The following MAP4K4 variants were observed in gnomAD, a reference collection of about 807,000 sequenced individuals.
The protein encoded by MAP4K4 is mitogen-activated protein kinase kinase kinase kinase 4.
In MAP4K4, 38 loss-of-function variants were observed where a neutral mutation model predicts 189.6. That is an observed-to-expected ratio of 0.20 (90% CI 0.15 to 0.26). MAP4K4 has a LOEUF of 0.26. Among genes scored for constraint, MAP4K4 ranks in the 10% least tolerant of loss-of-function variants. The pLI is 1.00. For synonymous variants in MAP4K4, 610 were observed against 624.3 expected, an observed-to-expected ratio of 0.98 and a Z score of 0.34; for missense variants, 1,054 against 1,726.9, an observed-to-expected ratio of 0.61 and a Z score of 6.91.
At chr2:101,841,054 T>C (rs2096903075) in intron 10 of MAP4K4, among the ~76,000 whole-genome samples, 1 of 152,222 alleles carries the variant, frequency 6.6e-6, no homozygotes, top group South Asian at 2.1e-4. Flanking sequence ...TTCCCATGAC[T>C]TGACTTAGTA....
intron 25 of MAP4K4, 99 bp downstream of exon 25, chr2:101,873,863 A>G: frequency 1.1e-6 from 1 of 892,714 alleles, no homozygotes. Flanking sequence ...TCACAGGCAC[A>G]GACCTCGGGT....
intron 2 of MAP4K4, among the ~76,000 whole-genome samples, chr2:101,719,304 T>G (rs1574168166): frequency 6.6e-6 from 1 of 152,218 alleles, no homozygotes; most frequent in East Asian, 1.9e-4. Flanking sequence ...GATTCTCAAA[T>G]TCCATTTCAG....
Position 101,874,004 on chromosome 2 carries a change from C to T in MAP4K4, c.3071-78C>T, listed in dbSNP as rs6705854. The T allele has an allele frequency of 7.8e-3, 9,714 of 1,238,754 alleles. 511 individuals carry two copies. In the African/African-American group the frequency reaches 0.12, roughly 15 times the overall value. The allele number at this position is 1,238,754 out of a possible 1,614,324, so 76.7% of individuals were successfully genotyped here. ...GTTGGTTATACCACATGAATATTTA[C>T]TTGAAGTATACTGGGGAAGGGAGGC... On this transcript the variant is annotated intron_variant, in intron 25 of 32. Transcript: ENST00000324219.
exon 23 of MAP4K4, chr2:101,870,379 G>T (rs1299250529): frequency 6.2e-7 from 1 of 1,613,758 alleles, no homozygotes. Context: ...AGCCGGCCAT[G>T]ACCCCATCCA....
chr2:101,888,481 C>G (rs1471705283), intron 31 of MAP4K4, among the ~76,000 whole-genome samples: 1 of 152,134 alleles, frequency 6.6e-6, no homozygotes, highest in Admixed American at 6.5e-5. Flanking sequence ...CTCTTCCCTG[C>G]CGTCTCTCAT....
intron 10 of MAP4K4, among the ~76,000 whole-genome samples, chr2:101,842,349 C>T (rs2096944936): frequency 6.6e-6 from 1 of 152,178 alleles, no homozygotes; most frequent in Admixed American, 6.5e-5. Context: ...TGCACGTCCT[C>T]AGCAGTACAT....
Position 101,889,058 on chromosome 2 carries a change from C to A in MAP4K4, c.4071+123C>A, listed in dbSNP as rs975470806. On this transcript the variant is annotated intron_variant, in intron 32 of 32. Coordinates refer to ENST00000324219, the Ensembl canonical transcript of MAP4K4. The stretch of plus-strand genomic sequence containing the variant: ...AAAAATAATCAAGGAACTTTTTAAA[C>A]GTTGCTTTTTAGTCATGTTTGTGAG... The A allele has an allele frequency of 6.0e-5, 58 of 973,930 alleles. No homozygotes were observed. In the African/African-American group the frequency reaches 9.3e-4, roughly 16 times the overall value. The allele number at this position is 973,930 out of a possible 1,614,324, so 60.3% of individuals were successfully genotyped here.
At chr2:101,887,737 A>G (rs1268913436) in intron 30 of MAP4K4, 41 bp from the exon 31 acceptor site, 1 of 1,547,512 alleles carries the variant, frequency 6.5e-7, no homozygotes, top group Admixed American at 1.8e-5. Context: ...GCTGGAAATA[A>G]CCACAGACGT....
intron 2 of MAP4K4, among the ~76,000 whole-genome samples, chr2:101,761,921 G>A (rs904374515): frequency 2.0e-5 from 3 of 152,136 alleles, no homozygotes; most frequent in Admixed American, 6.6e-5. Context: ...TACATTCAGC[G>A]CTGGTGCTGA....
At chr2:101,874,767 C>A (rs1404271645) in intron 26 of MAP4K4, among the ~76,000 whole-genome samples, 1 of 152,150 alleles carries the variant, frequency 6.6e-6, no homozygotes, top group Non-Finnish European at 1.5e-5. Flanking sequence ...TGACTATTAG[C>A]ATTCAGTACT....
intron 27 of MAP4K4, among the ~76,000 whole-genome samples, chr2:101,881,181 A>G (rs1464158645): frequency 6.6e-6 from 1 of 152,232 alleles, no homozygotes; most frequent in Non-Finnish European, 1.5e-5. Flanking sequence ...TAAAACTAGC[A>G]AAGGGCTAAT....
At chr2:101,792,596 T>TCC (rs1302320630) in intron 3 of MAP4K4, among the ~76,000 whole-genome samples, 21 of 121,618 alleles carry the variant, frequency 1.7e-4, no homozygotes, top group African/African-American at 3.3e-4. Context: ...CTTCTCCTCC[T>TCC]TCTCCTCCTC....
chr2:101,823,923 A>G lies in MAP4K4; in HGVS notation c.181-5A>G, dbSNP rs763312566. 3.1e-6 allele frequency: 5 copies of G among 1,591,796 alleles called. No homozygotes were observed. The African/African-American group carries it at 5.4e-5, about 17-fold the overall frequency. The stretch of plus-strand genomic sequence containing the variant: ...CCACACATTTTATTTTTATTTTTTC[A>G]TAAGGATGAAGAGGAAGAAATCAAA... On this transcript the variant is annotated splice_polypyrimidine_tract_variant and splice_region_variant and intron_variant, in intron 3 of 32. Transcript: ENST00000324219.
intron 25 of MAP4K4, 134 bp downstream of exon 25, chr2:101,873,898 A>G (rs748371171): frequency 1.3e-6 from 1 of 790,766 alleles, no homozygotes. Flanking sequence ...TCCCAGTTGT[A>G]TGCCTTATTT....
intron 7 of MAP4K4, among the ~76,000 whole-genome samples, chr2:101,834,182 T>TCCCTCCCTC (rs1424903505): frequency 1.6e-3 from 195 of 122,300 alleles, no homozygotes; most frequent in African/African-American, 5.8e-3. Flanking sequence ...TTCCCTCCCT[T>TCCCTCCCTC]CCCTCCCTCC....
chr2:101,841,802 G>A (rs2096927809), intron 10 of MAP4K4, among the ~76,000 whole-genome samples: 1 of 152,098 alleles, frequency 6.6e-6, no homozygotes, highest in Non-Finnish European at 1.5e-5. Context: ...AAAAAATAGA[G>A]GTGTGTGTGT....
chr2:101,799,512 C>T (rs1008168087), intron 3 of MAP4K4, among the ~76,000 whole-genome samples: 9 of 152,100 alleles, frequency 5.9e-5, no homozygotes, highest in Non-Finnish European at 1.2e-4. Context: ...TGGTTACAGC[C>T]ATCACTGTTT....
At chr2:101,770,287 C>T (rs907108779) in intron 2 of MAP4K4, among the ~76,000 whole-genome samples, 76 of 118,404 alleles carry the variant, frequency 6.4e-4, no homozygotes, top group African/African-American at 2.1e-3. Flanking sequence ...TCGCTCTTGT[C>T]GCCCGGGCTG....
At chr2:101,877,318 G>A (rs545172078) in intron 27 of MAP4K4, among the ~76,000 whole-genome samples, 172 bp downstream of exon 27, 1 of 152,234 alleles carries the variant, frequency 6.6e-6, no homozygotes, top group South Asian at 2.1e-4. Context: ...TGACACACAC[G>A]CCCATTTGAT....
Sources: gnomAD v4.1 joint callset for allele counts (sites outside exome capture counted in the v4.1 genomes callset) on GRCh38, gnomAD v4.1.1 for gene constraint, MANE v1.5 for transcripts, NCBI Gene and HGNC (gene_info 2026-07-23, HGNC 2026-07-21) for gene names.